Variants in RNF144A observed in about 807,000 individuals in gnomAD.
RNF144A encodes E3 ubiquitin-protein ligase RNF144A.
A neutral mutation model predicts 38.7 loss-of-function variants in RNF144A; 11 were observed. The ratio of observed to expected loss-of-function variants is 0.28; its 90% CI spans 0.18 to 0.47. The LOEUF (loss-of-function observed/expected upper bound fraction) is 0.47. RNF144A is among the 20% of genes least tolerant of loss of function. The probability of loss-of-function intolerance (pLI) is 0.99; values close to 1 mark genes in which losing one functional copy is unlikely to be tolerated. For synonymous variants in RNF144A, 149 were observed against 143.9 expected, an observed-to-expected ratio of 1.04 and a Z score of -0.25; for missense variants, 316 against 377.2, an observed-to-expected ratio of 0.84 and a Z score of 1.34.
intron 5 of RNF144A, among the ~76,000 whole-genome samples, chr2:7,018,618 G>A (rs936375077): frequency 2.0e-5 from 3 of 152,188 alleles, no homozygotes; most frequent in African/African-American, 7.2e-5. Flanking sequence ...CAACAACTGC[G>A]TTTTCTCAAA....
At chr2:7,036,819 A>G (rs1362305431) in intron 8 of RNF144A, among the ~76,000 whole-genome samples, 1 of 152,192 alleles carries the variant, frequency 6.6e-6, no homozygotes, top group Non-Finnish European at 1.5e-5. Flanking sequence ...GGTTTGTACA[A>G]GAATTCTCTG....
At chr2:7,032,417 C>T (rs1558449578) in intron 8 of RNF144A, among the ~76,000 whole-genome samples, 1 of 152,232 alleles carries the variant, frequency 6.6e-6, no homozygotes, top group Non-Finnish European at 1.5e-5. Context: ...TGTGACAAAG[C>T]GCTGCAGACT....
rs143064211 is a variant in RNF144A at position 7,024,140 on chromosome 2, A to G, written c.510-229A>G. ...TTAGATATGTGTTGATGTTGCTGTAATTTTTTAAAAATTTTTCCTAACTCA... is the reference window on the plus strand; with the variant it reads ...TTAGATATGTGTTGATGTTGCTGTAGTTTTTTAAAAATTTTTCCTAACTCA... On this transcript the variant is annotated intron_variant, in intron 6 of 8. Coordinates refer to ENST00000320892, the MANE Select transcript of RNF144A (RefSeq NM_014746.6). Among the ~76,000 whole-genome samples, 167 of 152,122 alleles carry G rather than the reference A, an allele frequency of 1.1e-3. 1 individual carries two copies. Among genetic ancestry groups the G allele is most frequent in the African/African-American group, 3.7e-3 (152 of 41,484 alleles).
intron 2 of RNF144A, among the ~76,000 whole-genome samples, chr2:6,975,753 G>A (rs1668271581): frequency 6.6e-6 from 1 of 152,222 alleles, no homozygotes; most frequent in African/African-American, 2.4e-5. Context: ...CTGAGCCCAG[G>A]AGGACAGTGC....
At chr2:6,953,623 G>A (rs529112698) in intron 2 of RNF144A, among the ~76,000 whole-genome samples, 89 of 152,200 alleles carry the variant, frequency 5.8e-4, no homozygotes, top group African/African-American at 2.0e-3. Context: ...TAATTGCATT[G>A]AGGTCAGAAC....
chr2:7,008,168 G>T (rs6712731), intron 3 of RNF144A, among the ~76,000 whole-genome samples: 85,680 of 152,142 alleles, frequency 0.56, 25,017 homozygotes, highest in Non-Finnish European at 0.64. Context: ...AGTCTTCAGA[G>T]CCTATCACTG....
In RNF144A at chr2:6,943,344, C is replaced by T. The variant is rs1010884235; in HGVS notation, c.-12+2197C>T. On this transcript the variant is annotated intron_variant, in intron 2 of 8. Transcript: ENST00000320892. This position sits in a 1 kb window ranked among gnomAD's most constrained non-coding sequence, Gnocchi z 4.3. ...CTGAGAATGGAGGCTCGGATCAGTG[C>T]CAGGACCAGTGGTCCAGTGGCTGTG... Among the ~76,000 whole-genome samples the T allele has an allele frequency of 2.0e-5, 3 of 152,158 alleles. No individual in the cohort carries two copies. The highest frequency in any genetic ancestry group is 1.3e-4 in the Admixed American group (2 of 15,280).
At chr2:7,036,052 C>T (rs1427794873) in intron 8 of RNF144A, among the ~76,000 whole-genome samples, 1 of 152,216 alleles carries the variant, frequency 6.6e-6, no homozygotes, top group East Asian at 1.9e-4. Flanking sequence ...TGTGCGGTTG[C>T]TGGAGTGAGT....
At chr2:6,949,020 C>A (rs1381623833) in intron 2 of RNF144A, among the ~76,000 whole-genome samples, 1 of 152,178 alleles carries the variant, frequency 6.6e-6, no homozygotes, top group Non-Finnish European at 1.5e-5. Flanking sequence ...CTGTCCATCC[C>A]TGAAAGCGTA....
intron 6 of RNF144A, among the ~76,000 whole-genome samples, chr2:7,059,512 G>A (rs1048813426): frequency 1.3e-5 from 2 of 152,178 alleles, no homozygotes; most frequent in Non-Finnish European, 2.9e-5. Flanking sequence ...GTCTGGTAGG[G>A]TTATTACATC....
intron 1 of RNF144A, among the ~76,000 whole-genome samples, chr2:6,936,345 G>T (rs1315224996): frequency 6.6e-6 from 1 of 152,092 alleles, no homozygotes; most frequent in Non-Finnish European, 1.5e-5. Context: ...ACACACATGT[G>T]CACACATAGA....
intron 2 of RNF144A, among the ~76,000 whole-genome samples, chr2:6,957,818 C>T (rs968281903): frequency 2.0e-5 from 3 of 152,236 alleles, no homozygotes; most frequent in East Asian, 3.8e-4. Flanking sequence ...CTTGTTTCCT[C>T]CTACCCCTTT....
chr2:6,972,442 G>A (rs1262384282), intron 2 of RNF144A, among the ~76,000 whole-genome samples: 1 of 152,102 alleles, frequency 6.6e-6, no homozygotes, highest in Non-Finnish European at 1.5e-5. Flanking sequence ...TTCCTTTTTA[G>A]AATAATTTTT....
intron 1 of RNF144A, among the ~76,000 whole-genome samples, chr2:6,923,554 T>C (rs918884547): frequency 5.3e-5 from 8 of 152,244 alleles, no homozygotes; most frequent in African/African-American, 1.9e-4. Flanking sequence ...TAATGATTCT[T>C]GAAGGCTCAT....
intron 2 of RNF144A, among the ~76,000 whole-genome samples, chr2:6,996,543 A>G (rs867573664): frequency 6.6e-6 from 1 of 152,148 alleles, no homozygotes; most frequent in African/African-American, 2.4e-5. Flanking sequence ...TCATGAGGTC[A>G]GGAGATCGAG....
At position 6,941,354 on chromosome 2, in the gene RNF144A, A is replaced by G. The variant is rs1665961744; in HGVS notation, c.-12+207A>G. Among the ~76,000 whole-genome samples, 1 of 152,188 alleles carries G rather than the reference A, an allele frequency of 6.6e-6. No homozygotes were observed. Among genetic ancestry groups the G allele is most frequent in the Non-Finnish European group, 1.5e-5 (1 of 68,038 alleles). On this transcript the variant is annotated intron_variant, in intron 2 of 8. Transcript: ENST00000320892. The surrounding 1 kb of genome is among the most constrained non-coding windows in gnomAD (Gnocchi z 6.5). ...TCAACACATTATTTTATGCCATCAT[A>G]GTTGTTTATACTTTGGAAAGATTTC... is the stretch of plus-strand genomic sequence containing the variant.
intron 1 of RNF144A, among the ~76,000 whole-genome samples, chr2:6,921,815 G>A (rs1213509293): frequency 6.6e-6 from 1 of 152,222 alleles, no homozygotes; most frequent in Non-Finnish European, 1.5e-5. Context: ...ACGGGTCAGA[G>A]TTAGCTAGGC....
At chr2:6,984,729 C>T (rs899909870) in intron 2 of RNF144A, among the ~76,000 whole-genome samples, 2 of 152,190 alleles carry the variant, frequency 1.3e-5, no homozygotes, top group East Asian at 1.9e-4. Flanking sequence ...AATAGGAGTG[C>T]GTAATTGTAT....
At chr2:6,946,369 C>T (rs1666344052) in intron 2 of RNF144A, among the ~76,000 whole-genome samples, 1 of 152,122 alleles carries the variant, frequency 6.6e-6, no homozygotes, top group Non-Finnish European at 1.5e-5. Flanking sequence ...TAACATAATT[C>T]AGTCACCTCA....
Sources: allele counts gnomAD v4.1 joint callset (sites outside exome capture counted in the v4.1 genomes callset), GRCh38; gene constraint gnomAD v4.1.1; non-coding constraint Gnocchi (gnomAD v3.1); transcripts MANE v1.5; gene names NCBI Gene and HGNC (gene_info 2026-07-23, HGNC 2026-07-21).